The following ACTR3C variants were observed in gnomAD, a reference collection of about 807,000 sequenced individuals.
ACTR3C encodes actin-related protein 3C.
Under a neutral mutation model 26.3 loss-of-function variants are expected in ACTR3C, and 18 were observed. The ratio of observed to expected loss-of-function variants is 0.68; its 90% CI spans 0.47 to 1.01. The LOEUF is 1.01. Among genes scored for constraint, ACTR3C ranks in the 50% least tolerant of loss-of-function variants. The probability of loss-of-function intolerance (pLI) is 0.00; values close to 1 mark genes in which losing one functional copy is unlikely to be tolerated. For synonymous variants in ACTR3C, 55 were observed against 94.5 expected, an observed-to-expected ratio of 0.58 and a Z score of 2.42; for missense variants, 184 against 250.7, an observed-to-expected ratio of 0.73 and a Z score of 1.80.
the ACTR3C span, among the ~76,000 whole-genome samples, chr7:150,181,986 T>C: frequency 6.6e-6 from 1 of 150,450 alleles, no homozygotes; most frequent in East Asian, 1.9e-4. Context: ...ACATGCTAAT[T>C]ACACTAGAAT....
the ACTR3C span, among the ~76,000 whole-genome samples, chr7:150,092,145 A>C: frequency 1.3e-4 from 19 of 147,346 alleles, no homozygotes; most frequent in African/African-American, 4.8e-4. Context: ...CTACTTCTAC[A>C]TAGAAATGTG....
chr7:150,161,922 C>G, the ACTR3C span, among the ~76,000 whole-genome samples: 1 of 151,862 alleles, frequency 6.6e-6, no homozygotes, highest in East Asian at 1.9e-4. Context: ...CTAACAATAA[C>G]AAAGTCAACA....
At chr7:150,143,149 T>A in the ACTR3C span, among the ~76,000 whole-genome samples, 1 of 152,104 alleles carries the variant, frequency 6.6e-6, no homozygotes, top group Admixed American at 6.5e-5. Flanking sequence ...CTATTTCTGA[T>A]GTGATAGGGT....
the ACTR3C span, among the ~76,000 whole-genome samples, chr7:150,023,338 C>CACAG: frequency 6.7e-3 from 309 of 46,078 alleles, 15 homozygotes; most frequent in Non-Finnish European, 9.2e-3. Context: ...TACATACATA[C>CACAG]ATATATATTT....
the ACTR3C span, among the ~76,000 whole-genome samples, chr7:150,014,487 A>C: frequency 6.6e-6 from 1 of 151,718 alleles, no homozygotes; most frequent in East Asian, 1.9e-4. Flanking sequence ...AGAAAAAGAA[A>C]AGATAGGCAC....
At chr7:150,134,369 G>A in the ACTR3C span, among the ~76,000 whole-genome samples, 1 of 152,218 alleles carries the variant, frequency 6.6e-6, no homozygotes, top group African/African-American at 2.4e-5. Context: ...GGGAAGACGA[G>A]GGGAATGAAG....
At chr7:149,886,466 G>A in the ACTR3C span, among the ~76,000 whole-genome samples, 3 of 152,190 alleles carry the variant, frequency 2.0e-5, no homozygotes, top group Non-Finnish European at 2.9e-5. Context: ...AAACAAACAT[G>A]TAAGAAATAA....
chr7:149,969,960 G>A, the ACTR3C span, among the ~76,000 whole-genome samples: 2 of 152,162 alleles, frequency 1.3e-5, no homozygotes, highest in Non-Finnish European at 2.9e-5. Context: ...GGTGGGAAGA[G>A]CAAAAGAGAC....
the ACTR3C span, among the ~76,000 whole-genome samples, chr7:150,063,763 C>A: frequency 6.6e-6 from 1 of 151,998 alleles, no homozygotes; most frequent in East Asian, 1.9e-4. Flanking sequence ...GTGACCAGGC[C>A]CACTCACCCA....
At chr7:150,319,204 TC>T (rs1284764074) in intron 1 of ACTR3C, among the ~76,000 whole-genome samples, 1 of 142,394 alleles carries the variant, frequency 7.0e-6, no homozygotes, top group Admixed American at 6.8e-5. Context: ...AATTGCTTCT[TC>T]TTTTTTTTTT....
chr7:149,964,480 G>C, the ACTR3C span, among the ~76,000 whole-genome samples: 1 of 152,166 alleles, frequency 6.6e-6, no homozygotes, highest in Non-Finnish European at 1.5e-5. Flanking sequence ...GGTAATTTCA[G>C]ATTACAGATA....
At chr7:150,280,814 G>A (rs1489935521) in intron 6 of ACTR3C, among the ~76,000 whole-genome samples, 17 of 144,088 alleles carry the variant, frequency 1.2e-4, no homozygotes, top group African/African-American at 4.8e-4. Context: ...GTGTGTGTGT[G>A]TGTGTATATA....
downstream of ACTR3C, chr7:150,245,851 T>C (rs1392252457): frequency 6.6e-6 from 1 of 152,156 alleles, no homozygotes; most frequent in Non-Finnish European, 1.5e-5. Context: ...TGACTTGGAT[T>C]TTGTTTTGAG....
the ACTR3C span, among the ~76,000 whole-genome samples, chr7:150,219,015 A>G: frequency 4.6e-5 from 7 of 152,310 alleles, no homozygotes; most frequent in African/African-American, 1.7e-4. Context: ...ATATTTCATC[A>G]TGATCTGATA....
At chr7:150,239,968 T>C (rs533747857), downstream of ACTR3C, among the ~76,000 whole-genome samples, 1 of 152,302 alleles carries the variant, frequency 6.6e-6, no homozygotes, top group South Asian at 2.1e-4. Context: ...TTGGCCAGGC[T>C]GGTCTCAAAC....
At chr7:150,086,510 G>A in the ACTR3C span, among the ~76,000 whole-genome samples, 1 of 151,810 alleles carries the variant, frequency 6.6e-6, no homozygotes, top group African/African-American at 2.4e-5. Flanking sequence ...GCTACATTAG[G>A]GTCTTTTTAT....
chr7:150,166,590 T>A, the ACTR3C span, among the ~76,000 whole-genome samples: 1 of 150,422 alleles, frequency 6.6e-6, no homozygotes, highest in Non-Finnish European at 1.5e-5. Flanking sequence ...TCTCAGCTAG[T>A]TGGGAGGCTG....
intron 6 of ACTR3C, among the ~76,000 whole-genome samples, chr7:150,254,899 C>T (rs1833099996): frequency 6.6e-6 from 1 of 152,204 alleles, no homozygotes; most frequent in African/African-American, 2.4e-5. Flanking sequence ...TACTCTGCTA[C>T]ATTTCCTGTC....
chr7:150,111,460 C>A, the ACTR3C span, among the ~76,000 whole-genome samples: 133 of 88,444 alleles, frequency 1.5e-3, 2 homozygotes, highest in African/African-American at 2.9e-3. Flanking sequence ...ATACTCACTC[C>A]CCCACACTCA....
Sources: gnomAD v4.1 joint callset for allele counts (sites outside exome capture counted in the v4.1 genomes callset) on GRCh38, gnomAD v4.1.1 for gene constraint, MANE v1.5 for transcripts, NCBI Gene and HGNC (gene_info 2026-07-23, HGNC 2026-07-21) for gene names.